ATP13A1: variants seen among roughly 807,000 people sequenced by gnomAD.
ATP13A1 encodes ATPase 13A1.
A neutral mutation model predicts 134.8 loss-of-function variants in ATP13A1; 55 were observed. That is an observed-to-expected ratio of 0.41 (90% CI 0.33 to 0.51). ATP13A1 has a LOEUF of 0.51. Ranked by LOEUF, ATP13A1 falls within the 20% of genes least tolerant of loss-of-function variation. The probability of loss-of-function intolerance (pLI) is 0.29; values close to 1 mark genes in which losing one functional copy is unlikely to be tolerated. For missense variants in ATP13A1, 1,389 were observed against 1,652.8 expected (o/e 0.84, Z 2.77); for synonymous variants, 775 against 725.1 (o/e 1.07, Z -1.10).
intron 1 of ATP13A1, among the ~76,000 whole-genome samples, chr19:19,661,118 CAAAACA>C (rs889266988): frequency 3.3e-5 from 5 of 152,148 alleles, no homozygotes; most frequent in South Asian, 2.1e-4. Flanking sequence ...CCCCAAAAAA[CAAAACA>C]AAAACAAAAA....
chr19:19,649,521 T>G (rs1418346274), intron 19 of ATP13A1, 46 bp downstream of exon 19: 6 of 1,581,476 alleles, frequency 3.8e-6, no homozygotes, highest in Non-Finnish European at 4.3e-6. Context: ...TGACATGTCC[T>G]CAACACCTCG....
At position 19,661,932 on chromosome 19, in the gene ATP13A1, G is replaced by A. The variant is rs2062097342; in HGVS notation, c.396+1339C>T. 30 of 1,085,592 alleles carry A rather than the reference G, an allele frequency of 2.8e-5. No homozygotes were observed. In the South Asian group the frequency reaches 3.3e-4, roughly 12 times the overall value. The allele number at this position is 1,085,592 out of a possible 1,614,324, so 67.2% of individuals were successfully genotyped here. On this transcript the variant is annotated intron_variant, in intron 1 of 25. Coordinates refer to ENST00000357324, the MANE Select transcript of ATP13A1 (RefSeq NM_020410.3). ...CTATACGCTGTGATGGCCCCAGGGC[G>A]GGCACTCTGCAGATATCATCTCCGC...
intron 2 of ATP13A1, 31 bp downstream of exon 2, chr19:19,659,867 C>T: frequency 6.3e-7 from 1 of 1,589,638 alleles, no homozygotes; most frequent in African/African-American, 1.3e-5. Context: ...ACTCAAGCCC[C>T]TCCTCCAGGA....
At position 19,647,024 on chromosome 19, in the gene ATP13A1, G is replaced by A. The variant is rs984965987; in HGVS notation, c.3105+105C>T. The A allele has an allele frequency of 3.9e-6, 5 of 1,267,794 alleles. No individual in the cohort carries two copies. The African/African-American group carries it at 6.0e-5, about 15-fold the overall frequency. 78.5% of individuals were successfully genotyped at this position (1,267,794 alleles called of 1,614,324 possible). A position where few individuals can be genotyped will look rare whatever the true frequency, so the allele number is the denominator to read the frequency against. ...CATCCCAGCTACAGCCCCCATCTCT[G>A]GGGCCCTGGGTCCTGTAACTTGGGG... is the stretch of plus-strand genomic sequence containing the variant. On this transcript the variant is annotated intron_variant, in intron 22 of 25. Coordinates refer to ENST00000357324, the MANE Select transcript of ATP13A1 (RefSeq NM_020410.3). The surrounding 1 kb of genome is among the most constrained non-coding windows in gnomAD (Gnocchi z 4.8).
chr19:19,654,799 T>C, intron 12 of ATP13A1, 99 bp from the exon 13 acceptor site: 1 of 1,410,592 alleles, frequency 7.1e-7, no homozygotes, highest in Non-Finnish European at 9.5e-7. Flanking sequence ...CATTCCGTGC[T>C]TGTCACTGGG....
chr19:19,654,622 C>A lies in ATP13A1; in HGVS notation c.1734G>T (p.Met578Ile). 1.2e-6 allele frequency: 2 copies of A among 1,613,666 alleles called. No individual in the cohort carries two copies. Among genetic ancestry groups the A allele is most frequent in the East Asian group, 2.2e-5 (1 of 44,874 alleles). Residue 578 changes from methionine (M) to isoleucine (I), a missense_variant, in exon 13 of 26, where the codon ATG becomes ATT. Physicochemically the swap from Met to Ile is conservative, Grantham distance 10 (BLOSUM62 1). Transcript: ENST00000357324. ...CCACGAGGGTGCCGTCGTCCAGCTG[C>A]ATGAGCGAGTGGCACGAGGCCAGGG... ...HRALASCHSL[M>I]QLDDGTLVGD...
chr19:19,654,687 C>G lies in ATP13A1; in HGVS notation c.1669G>C (p.Val557Leu). 1.2e-6 allele frequency: 2 copies of G among 1,612,250 alleles called. No homozygotes were observed. The highest frequency in any genetic ancestry group is 1.7e-6 in the Non-Finnish European group (2 of 1,179,392). The change falls in exon 13 of 26, where the codon GTG (valine) becomes CTG (leucine). Residue 557 changes from valine to leucine, a missense_variant. Physicochemically the swap from Val to Leu is conservative, Grantham distance 32 (BLOSUM62 1). Coordinates refer to ENST00000357324, the MANE Select transcript of ATP13A1 (RefSeq NM_020410.3). ...GVAGLRDGKE[V>L]TPVSSIPVET... ...ACAGGGATGCTGGACACTGGGGTCA[C>G]CTCCTTCCCGTCTCTGCAAGGTCGG... is the stretch of plus-strand genomic sequence containing the variant.
Position 19,656,582 on chromosome 19 carries a change from C to A in ATP13A1, c.1083+78G>T. On this transcript the variant is annotated intron_variant, in intron 7 of 25. Transcript: ENST00000357324. This position sits in a 1 kb window ranked among gnomAD's most constrained non-coding sequence, Gnocchi z 4.6. Reference sequence around the variant, plus strand: ...CCTCCGCCTGTGCCTGAGGGGGATCCCCGCCACCCCCTGGGCCTCCACCTC... The same window carrying A: ...CCTCCGCCTGTGCCTGAGGGGGATCACCGCCACCCCCTGGGCCTCCACCTC... The A allele has an allele frequency of 6.9e-7, 1 of 1,454,526 alleles. No individual in the cohort carries two copies. The highest frequency in any genetic ancestry group is 9.4e-7 in the Non-Finnish European group (1 of 1,064,570). 90.1% of individuals were successfully genotyped at this position (1,454,526 alleles called of 1,614,324 possible).
In ATP13A1 at chr19:19,663,300, G is replaced by A; in HGVS notation, c.367C>T (p.His123Tyr). 1.3e-6 allele frequency: 2 copies of A among 1,589,274 alleles called. No homozygotes were observed. The highest frequency in any genetic ancestry group is 1.8e-5 in the Admixed American group (1 of 56,244). The change falls in exon 1 of 26, where the codon CAC (histidine) becomes TAC (tyrosine). Residue 123 changes from histidine (H) to tyrosine (Y), a missense_variant. His to Tyr is a moderately conservative substitution (Grantham distance 83). Transcript: ENST00000357324. ...LTVLSGHWSV[H>Y]AHCALTCTPE... ...GTGCAGGTGAGCGCGCAATGCGCGT[G>A]CACAGACCAATGCCCCGAGAGGACA...
intron 1 of ATP13A1, 130 bp downstream of exon 1, chr19:19,663,141 G>T (rs1291319892): frequency 4.5e-6 from 6 of 1,321,754 alleles, no homozygotes; most frequent in South Asian, 1.3e-5. Context: ...AGTGTAGAGG[G>T]TGCCCCTGGG....
intron 13 of ATP13A1, among the ~76,000 whole-genome samples, 167 bp downstream of exon 13, chr19:19,654,376 C>T (rs1325051466): frequency 2.6e-5 from 4 of 152,194 alleles, no homozygotes; most frequent in Admixed American, 1.3e-4. Context: ...CACCCAAGGA[C>T]GTGGCCTATC....
chr19:19,658,831 A>C (rs2062076474), intron 3 of ATP13A1, among the ~76,000 whole-genome samples: 1 of 152,254 alleles, frequency 6.6e-6, no homozygotes, highest in Non-Finnish European at 1.5e-5. Flanking sequence ...GGTTGGGTGC[A>C]GTGACTCATG....
At chr19:19,649,438 C>T (rs908672309) in intron 19 of ATP13A1, 129 bp downstream of exon 19, 8 of 989,018 alleles carry the variant, frequency 8.1e-6, no homozygotes, top group Middle Eastern at 2.1e-4. Flanking sequence ...GACCTTGCCA[C>T]CCCCTCCCAT....
chr19:19,659,182 C>T (rs933950373), intron 3 of ATP13A1, among the ~76,000 whole-genome samples: 4 of 152,132 alleles, frequency 2.6e-5, no homozygotes, highest in African/African-American at 9.7e-5. Flanking sequence ...TGGCCGGGTG[C>T]AGTGGCTCAC....
rs1290787412 is a variant in ATP13A1 at position 19,657,092 on chromosome 19, G to C, written c.808C>G (p.Leu270Val). ...GCCTCGAACGCCACCAGCATGGATA[G>C]CGTAAAGACGCTGTAGTACCAGTAC... is the stretch of plus-strand genomic sequence containing the variant. ...DEYWYYSVFT[L>V]SMLVAFEASL... The change falls in exon 5 of 26, where the codon CTA becomes GTA. Residue 270 changes from leucine (L) to valine (V), a missense_variant. Transcript: ENST00000357324. 6.5e-7 allele frequency: 1 copy of C among 1,536,936 alleles called. No individual in the cohort carries two copies. The highest frequency in any genetic ancestry group is 2.0e-5 in the Admixed American group (1 of 50,356).
In ATP13A1 at chr19:19,655,892, A is replaced by G; in HGVS notation, c.1255T>C (p.Phe419Leu). Residue 419 changes from phenylalanine to leucine, a missense_variant, in exon 9 of 26, where the codon TTC becomes CTC. Phe to Leu is a conservative substitution (Grantham distance 22, BLOSUM62 0). Around this residue, in one of 4 missense-constraint regions of ATP13A1, gnomAD observed 747 missense variants for 956.1 expected, o/e 0.78. Transcript: ENST00000357324. This position sits in a 1 kb window ranked among gnomAD's most constrained non-coding sequence, Gnocchi z 5.7. ...TGGCCCCGCACCTGGGATGTGTTGA[A>G]TCCGGTCCGCAGGACGTAGGCCACG... Reference protein sequence around the residue: ...GCVAYVLRTGFNTSQGKLLRT... With the variant: ...GCVAYVLRTGLNTSQGKLLRT... 1 of 1,591,268 alleles carries G rather than the reference A, an allele frequency of 6.3e-7. No individual in the cohort carries two copies. Among genetic ancestry groups the G allele is most frequent in the Non-Finnish European group, 8.5e-7 (1 of 1,173,960 alleles).
intron 17 of ATP13A1, chr19:19,651,078 G>T (rs1428440457): frequency 6.6e-6 from 1 of 152,106 alleles, no homozygotes; most frequent in Non-Finnish European, 1.5e-5. Flanking sequence ...ACCTGGGCAA[G>T]TGGGTTCACT....
rs1390689685 is a variant in ATP13A1 at position 19,659,628 on chromosome 19, G to T, written c.650C>A (p.Ala217Glu). 6.2e-7 allele frequency: 1 copy of T among 1,613,042 alleles called. No homozygotes were observed. The highest frequency in any genetic ancestry group is 2.2e-5 in the East Asian group (1 of 44,850). The change falls in exon 3 of 26, where the codon GCA becomes GAA. Residue 217 changes from alanine to glutamate, a missense_variant. By Grantham distance (107) the Ala-to-Glu change is moderately radical (BLOSUM62 -1). Around this residue, in one of 4 missense-constraint regions of ATP13A1, gnomAD observed 747 missense variants for 956.1 expected, o/e 0.78. Transcript: ENST00000357324. ...RGFQEDSEIR[A>E]AEKKFGSNKA... ...GTTGCTCCCAAATTTCTTCTCAGCT[G>T]CTCGGATCTCTGAGTCTTCCTGGAA...
At chr19:19,657,233 G>A (rs1305794855) in intron 4 of ATP13A1, 84 bp from the exon 5 acceptor site, 5 of 1,488,110 alleles carry the variant, frequency 3.4e-6, no homozygotes, top group Non-Finnish European at 4.5e-6. Context: ...GATATGTGAG[G>A]GTGGGGAGAG....
Sources: gnomAD v4.1 joint callset for allele counts (sites outside exome capture counted in the v4.1 genomes callset) on GRCh38, gnomAD v4.1.1 for gene constraint, gnomAD v4.1.1 regional missense constraint, Gnocchi (gnomAD v3.1) non-coding constraint, MANE v1.5 for transcripts, NCBI Gene and HGNC (gene_info 2026-07-23, HGNC 2026-07-21) for gene names.